The following CCNB2 variants were observed in gnomAD, a reference collection of about 807,000 sequenced individuals.
CCNB2 encodes the protein G2/mitotic-specific cyclin-B2.
Under a neutral mutation model 51.1 loss-of-function variants are expected in CCNB2, and 39 were observed. The observed-to-expected ratio is 0.76, with a 90% confidence interval of 0.59 to 1.00. CCNB2 has a LOEUF of 1.00. Ranked by LOEUF, CCNB2 falls within the 50% of genes least tolerant of loss-of-function variation. The pLI, the probability that CCNB2 is intolerant of heterozygous loss-of-function variation, is 0.00. For synonymous variants in CCNB2, 174 were observed against 165.5 expected, an observed-to-expected ratio of 1.05 and a Z score of -0.40; for missense variants, 472 against 470.3, an observed-to-expected ratio of 1.00 and a Z score of -0.03.
intron 5 of CCNB2, 56 bp downstream of exon 5, chr15:59,114,932 C>T: frequency 2.6e-6 from 4 of 1,517,724 alleles, no homozygotes; most frequent in Non-Finnish European, 3.6e-6. Context: ...TGCATTTATG[C>T]TTGGGGGATA....
rs150079038 is a variant in CCNB2 at position 59,116,514 on chromosome 15, C to T, written c.598-176C>T. Among the ~76,000 whole-genome samples the T allele has an allele frequency of 8.0e-3, 695 of 87,386 alleles. 8 individuals are homozygous for T. Among genetic ancestry groups the T allele is most frequent in the African/African-American group, 0.026 (659 of 25,768 alleles). 57.3% of individuals were successfully genotyped at this position (87,386 alleles called of 152,430 possible). ...GAATCTTAGCACTGTGCCTAGCACACAGTGCTCAATTACAGATAGCTGTCA... is the reference window on the plus strand; with the variant it reads ...GAATCTTAGCACTGTGCCTAGCACATAGTGCTCAATTACAGATAGCTGTCA... On this transcript the variant is annotated intron_variant, in intron 5 of 8. Transcript: ENST00000288207.
chr15:59,123,847 G>A (rs2079314054), intron 8 of CCNB2: 2 of 466,254 alleles, frequency 4.3e-6, no homozygotes, highest in East Asian at 7.3e-5. Context: ...AAGGTCGATA[G>A]GCTAGCCATG....
At chr15:59,123,328 C>T (rs776562258) in intron 7 of CCNB2, among the ~76,000 whole-genome samples, 189 bp from the exon 8 acceptor site, 3 of 152,184 alleles carry the variant, frequency 2.0e-5, no homozygotes, top group Non-Finnish European at 4.4e-5. Context: ...CTTGCATTTA[C>T]CAGCTGCTTT....
chr15:59,116,579 G>A, intron 5 of CCNB2, 111 bp from the exon 6 acceptor site: 2 of 568,434 alleles, frequency 3.5e-6, no homozygotes, highest in Non-Finnish European at 3.0e-6. Context: ...GTGCCCTTAT[G>A]AGCAAAGACA....
intron 6 of CCNB2, 36 bp downstream of exon 6, chr15:59,116,962 C>T (rs750807291): frequency 2.6e-6 from 4 of 1,513,750 alleles, no homozygotes; most frequent in Non-Finnish European, 3.6e-6. Context: ...ACTATTTTTG[C>T]TTGGTGTCTC....
intron 3 of CCNB2, among the ~76,000 whole-genome samples, chr15:59,112,834 A>G (rs1420620902): frequency 6.6e-6 from 1 of 151,574 alleles, no homozygotes; most frequent in Non-Finnish European, 1.5e-5. Flanking sequence ...GGAGATCGAG[A>G]CCATCCTGGC....
chr15:59,105,855 A>G (rs1566954946), intron 1 of CCNB2, among the ~76,000 whole-genome samples: 1 of 152,276 alleles, frequency 6.6e-6, no homozygotes, highest in East Asian at 1.9e-4. Context: ...TGCTACGTTC[A>G]CTAATAAATG....
intron 3 of CCNB2, among the ~76,000 whole-genome samples, chr15:59,109,068 G>A (rs2079247240): frequency 6.6e-6 from 1 of 152,134 alleles, no homozygotes; most frequent in African/African-American, 2.4e-5. Context: ...ATTTTTGGGG[G>A]GGGACGGAGT....
At chr15:59,111,621 G>A (rs1185631182) in intron 3 of CCNB2, among the ~76,000 whole-genome samples, 2 of 152,212 alleles carry the variant, frequency 1.3e-5, no homozygotes, top group South Asian at 2.1e-4. Flanking sequence ...CTAGAAGCTC[G>A]GCTGTTGTTC....
At position 59,114,851 on chromosome 15, in the gene CCNB2, T is replaced by C. The variant is rs1316318221; in HGVS notation, c.572T>C (p.Val191Ala). The change falls in exon 5 of 9, where the codon GTT becomes GCT. Residue 191 changes from valine (V) to alanine (A), a missense_variant. Val to Ala is a moderately conservative substitution (Grantham distance 64, BLOSUM62 0). Transcript: ENST00000288207. The stretch of plus-strand genomic sequence containing the variant: ...CTGCAGGAGACTCTGTACATGTGCG[T>C]TGGCATTATGGATCGATTTTTACAG... The part of the protein sequence containing the change: ...RLLQETLYMC[V>A]GIMDRFLQVQ... 2.5e-6 allele frequency: 4 copies of C among 1,613,574 alleles called. No homozygotes were observed. Among genetic ancestry groups the C allele is most frequent in the South Asian group, 1.1e-5 (1 of 91,062 alleles).
chr15:59,115,850 C>T (rs2079276684), intron 5 of CCNB2: 1 of 152,186 alleles, frequency 6.6e-6, no homozygotes, highest in African/African-American at 2.4e-5. Flanking sequence ...TCTACCTCAG[C>T]TTCCCAAGTA....
intron 1 of CCNB2, among the ~76,000 whole-genome samples, chr15:59,105,563 G>A (rs1385495709): frequency 1.3e-5 from 2 of 152,194 alleles, no homozygotes; most frequent in Non-Finnish European, 2.9e-5. Context: ...TGTCAAGTGA[G>A]CCCCCAGAGC....
chr15:59,118,334 CTAGTCTGCAG>C (rs2079287574), intron 7 of CCNB2, among the ~76,000 whole-genome samples: 1 of 152,192 alleles, frequency 6.6e-6, no homozygotes, highest in Non-Finnish European at 1.5e-5. Context: ...AAACAGTCTT[CTAGTCTGCAG>C]TTATACCCTG....
chr15:59,105,596 C>T (rs941058826), intron 1 of CCNB2, among the ~76,000 whole-genome samples: 10 of 152,208 alleles, frequency 6.6e-5, no homozygotes, highest in African/African-American at 2.4e-4. Flanking sequence ...ACTCAGCGAG[C>T]GATCCCCGAG....
intron 3 of CCNB2, among the ~76,000 whole-genome samples, chr15:59,111,778 G>C (rs1407837063): frequency 6.6e-6 from 1 of 151,580 alleles, no homozygotes; most frequent in Non-Finnish European, 1.5e-5. Context: ...GGTACCCTGG[G>C]TACCTCTACT....
chr15:59,116,505 C>G (rs1404363321), intron 5 of CCNB2, among the ~76,000 whole-genome samples, 185 bp from the exon 6 acceptor site: 5 of 94,490 alleles, frequency 5.3e-5, no homozygotes, highest in African/African-American at 1.8e-4. Context: ...TAGCACTGTG[C>G]CTAGCACACA....
At chr15:59,112,800 C>A (rs1487037680) in intron 3 of CCNB2, among the ~76,000 whole-genome samples, 2 of 151,340 alleles carry the variant, frequency 1.3e-5, no homozygotes, top group Admixed American at 1.3e-4. Flanking sequence ...TTTGGGAGGC[C>A]GAGGTGGGCG....
rs115619684 is a variant in CCNB2 at position 59,112,498 on chromosome 15, C to T, written c.268-1946C>T. ...TAGCTGGGATTACAGGTGTGTGACACCACAGGCCCAGCTAATTTTTGTATT... is the reference window on the plus strand; with the variant it reads ...TAGCTGGGATTACAGGTGTGTGACATCACAGGCCCAGCTAATTTTTGTATT... On this transcript the variant is annotated intron_variant, in intron 3 of 8. Transcript: ENST00000288207. 3.7e-3 allele frequency among the ~76,000 whole-genome samples: 569 copies of T among 151,950 alleles called. 6 individuals are homozygous for T. The highest frequency in any genetic ancestry group is 0.013 in the African/African-American group (543 of 41,482).
intron 3 of CCNB2, among the ~76,000 whole-genome samples, chr15:59,109,493 A>G (rs2079249632): frequency 1.3e-5 from 2 of 152,240 alleles, no homozygotes; most frequent in African/African-American, 4.8e-5. Context: ...CTATGCAGCC[A>G]TAAATATCAT....
Sources: gnomAD v4.1 joint callset for allele counts (sites outside exome capture counted in the v4.1 genomes callset) on GRCh38, gnomAD v4.1.1 for gene constraint, MANE v1.5 for transcripts, NCBI Gene and HGNC (gene_info 2026-07-23, HGNC 2026-07-21) for gene names.